Variants in MYO1D observed in about 807,000 individuals in gnomAD.
MYO1D encodes the protein myosin ID, also known as unconventional myosin-Id.
A neutral mutation model predicts 122.0 loss-of-function variants in MYO1D; 83 were observed. The observed-to-expected ratio is 0.68, with a 90% confidence interval of 0.57 to 0.82. MYO1D has a LOEUF of 0.82. Among genes scored for constraint, MYO1D ranks in the 40% least tolerant of loss-of-function variants. The pLI is 0.00. For synonymous variants in MYO1D, 464 were observed against 446.9 expected (o/e 1.04, Z -0.48); for missense variants, 1,157 against 1,269.5 (o/e 0.91, Z 1.35).
At chr17:32,859,789 G>A (rs552463217) in intron 1 of MYO1D, among the ~76,000 whole-genome samples, 1 of 152,270 alleles carries the variant, frequency 6.6e-6, no homozygotes, top group East Asian at 1.9e-4. Context: ...TACATAGCTT[G>A]TAAAACTGTG....
At chr17:32,835,347 T>C (rs1031886878) in intron 1 of MYO1D, among the ~76,000 whole-genome samples, 2 of 152,288 alleles carry the variant, frequency 1.3e-5, no homozygotes, top group South Asian at 4.1e-4. Context: ...ATAACATTTG[T>C]TATACTTCTG....
chr17:32,586,015 T>C (rs2087384462), intron 21 of MYO1D, among the ~76,000 whole-genome samples: 1 of 152,178 alleles, frequency 6.6e-6, no homozygotes, highest in Non-Finnish European at 1.5e-5. Context: ...AAGGAGAAGC[T>C]AAAGGAAGCA....
At chr17:32,870,602 AAAAAAAAAAAGAAAG>A (rs1469465180) in intron 1 of MYO1D, among the ~76,000 whole-genome samples, 2 of 151,890 alleles carry the variant, frequency 1.3e-5, no homozygotes, top group African/African-American at 2.4e-5. Context: ...TCTGCTAAAA[AAAAAAAAAAAGAAAG>A]AAAAAAAAGA....
At chr17:32,688,291 T>C (rs1476100627) in intron 16 of MYO1D, among the ~76,000 whole-genome samples, 1 of 152,194 alleles carries the variant, frequency 6.6e-6, no homozygotes, top group African/African-American at 2.4e-5. Context: ...TGCAACACAC[T>C]TCACACTTGA....
At chr17:32,778,666 G>T in intron 2 of MYO1D, 93 bp from the exon 3 acceptor site, 1 of 1,142,098 alleles carries the variant, frequency 8.8e-7, no homozygotes, top group Non-Finnish European at 1.3e-6. Context: ...TGATACTGGT[G>T]ATGCATTTAA....
rs115939274 is a variant in MYO1D at position 32,784,128 on chromosome 17, A to G, written c.96-3344T>C. 3.6e-3 allele frequency among the ~76,000 whole-genome samples: 553 copies of G among 152,346 alleles called. 3 individuals are homozygous for G. Among genetic ancestry groups the G allele is most frequent in the African/African-American group, 0.012 (516 of 41,582 alleles). On this transcript the variant is annotated intron_variant, in intron 1 of 21. Coordinates refer to ENST00000318217, the MANE Select transcript of MYO1D (RefSeq NM_015194.3). ...TGAGGAACACTAAGAGTAAGAGCAT[A>G]CAGGGTCTGGCCTCCGGGTTTCTGT...
At position 32,760,631 on chromosome 17, in the gene MYO1D, C is replaced by A; in HGVS notation, c.1036-4G>T. The stretch of plus-strand genomic sequence containing the variant: ...AAAAAAGGCGCTCATATATTGCCTG[C>A]AAGGAAAATAGCATCATAAATGCTT... On this transcript the variant is annotated splice_polypyrimidine_tract_variant and splice_region_variant and intron_variant, in intron 8 of 21. Transcript: ENST00000318217. 1 of 1,597,516 alleles carries A rather than the reference C, an allele frequency of 6.3e-7. No homozygotes were observed. The highest frequency in any genetic ancestry group is 8.5e-7 in the Non-Finnish European group (1 of 1,172,830).
At chr17:32,678,541 G>C (rs2088859340) in intron 16 of MYO1D, among the ~76,000 whole-genome samples, 1 of 150,342 alleles carries the variant, frequency 6.7e-6, no homozygotes, top group African/African-American at 2.5e-5. Flanking sequence ...AGTTTACTGA[G>C]AATGATGATT....
chr17:32,647,945 G>A (rs1203025665), intron 19 of MYO1D, among the ~76,000 whole-genome samples: 1 of 152,174 alleles, frequency 6.6e-6, no homozygotes, highest in Non-Finnish European at 1.5e-5. Flanking sequence ...TGGGCACGAT[G>A]GCTCATGCCT....
At chr17:32,861,895 G>A (rs1239662668) in intron 1 of MYO1D, among the ~76,000 whole-genome samples, 2 of 152,148 alleles carry the variant, frequency 1.3e-5, no homozygotes, top group Admixed American at 6.5e-5. Context: ...GTACACGCCT[G>A]TAGTCCCCGC....
chr17:32,538,371 A>AAAG (rs1910724989), intron 21 of MYO1D, among the ~76,000 whole-genome samples: 1 of 151,088 alleles, frequency 6.6e-6, no homozygotes, highest in Admixed American at 6.6e-5. Flanking sequence ...TGTAACCTTG[A>AAAG]GCTCCTGGGC....
intron 21 of MYO1D, among the ~76,000 whole-genome samples, chr17:32,588,296 C>T (rs2087408984): frequency 1.3e-5 from 2 of 152,202 alleles, no homozygotes; most frequent in South Asian, 4.1e-4. Context: ...GCACTGCTAT[C>T]TGGGAGGAAT....
At chr17:32,860,377 A>C (rs1250885621) in intron 1 of MYO1D, among the ~76,000 whole-genome samples, 1 of 152,164 alleles carries the variant, frequency 6.6e-6, no homozygotes, top group East Asian at 1.9e-4. Context: ...TAGCAACCAC[A>C]CACCCCTCCA....
At position 32,605,664 on chromosome 17, in the gene MYO1D, C is replaced by T. The variant is rs902038422; in HGVS notation, c.2710-423G>A. ...CCCAAAACAAAAAAAGAAGGAAGAACTTATTGCCAATATCAGGAATGGAAG... is the reference window on the plus strand; with the variant it reads ...CCCAAAACAAAAAAAGAAGGAAGAATTTATTGCCAATATCAGGAATGGAAG... On this transcript the variant is annotated intron_variant, in intron 20 of 21. Transcript: ENST00000318217. Among the ~76,000 whole-genome samples the T allele has an allele frequency of 2.6e-5, 4 of 152,062 alleles. No individual in the cohort carries two copies. The East Asian group carries it at 7.7e-4, about 29-fold the overall frequency.
intron 19 of MYO1D, among the ~76,000 whole-genome samples, chr17:32,647,756 C>T (rs140745475): frequency 5.6e-4 from 83 of 147,696 alleles, no homozygotes; most frequent in African/African-American, 1.8e-3. Context: ...ATAGTCTGAT[C>T]GACTCTAGGT....
intron 20 of MYO1D, among the ~76,000 whole-genome samples, chr17:32,616,415 C>T (rs1055949076): frequency 6.6e-6 from 1 of 152,028 alleles, no homozygotes; most frequent in African/African-American, 2.4e-5. Context: ...CTCAAGCAGT[C>T]CTCTGCCTCA....
chr17:32,720,425 T>C (rs1245550314), intron 15 of MYO1D, among the ~76,000 whole-genome samples: 2 of 152,042 alleles, frequency 1.3e-5, no homozygotes, highest in Non-Finnish European at 2.9e-5. Flanking sequence ...GAAACAGGCA[T>C]GAAAAGGGTA....
At chr17:32,520,020 G>T (rs1423780226) in intron 21 of MYO1D, among the ~76,000 whole-genome samples, 1 of 152,034 alleles carries the variant, frequency 6.6e-6, no homozygotes, top group Non-Finnish European at 1.5e-5. Flanking sequence ...AGGCCCACAG[G>T]AGCCATACTG....
rs2088445796 is a variant in MYO1D at position 32,654,485 on chromosome 17, G to C, written c.2482C>G (p.Leu828Val). ...TGTTCCCTTGGACTTACTGAAGCAAGATAGTTGCCCTCCCAGGCCCTCTGG... is the reference window on the plus strand; with the variant it reads ...TGTTCCCTTGGACTTACTGAAGCAACATAGTTGCCCTCCCAGGCCCTCTGG... ...GLQRAWEGNYLASKPDTPQTS... is the reference protein window; with the variant it reads ...GLQRAWEGNYVASKPDTPQTS... The change falls in exon 18 of 22, where the codon CTT (leucine) becomes GTT (valine). Residue 828 changes from leucine (L) to valine (V), a missense_variant. By Grantham distance (32) the Leu-to-Val change is conservative. Transcript: ENST00000318217. 6.2e-7 allele frequency: 1 copy of C among 1,611,966 alleles called. No homozygotes were observed. Among genetic ancestry groups the C allele is most frequent in the Admixed American group, 1.7e-5 (1 of 59,632 alleles).
Sources: allele counts gnomAD v4.1 joint callset (sites outside exome capture counted in the v4.1 genomes callset), GRCh38; gene constraint gnomAD v4.1.1; transcripts MANE v1.5; gene names NCBI Gene and HGNC (gene_info 2026-07-23, HGNC 2026-07-21).